The following NCOA1 variants were observed in gnomAD, a reference collection of about 807,000 sequenced individuals.
NCOA1 encodes Hin-2 protein.
A neutral mutation model predicts 150.9 loss-of-function variants in NCOA1; 35 were observed. The observed-to-expected ratio is 0.23, with a 90% confidence interval of 0.18 to 0.31. The LOEUF is 0.31. Ranked by LOEUF, NCOA1 falls within the 10% of genes least tolerant of loss-of-function variation. The probability of loss-of-function intolerance (pLI) is 1.00; values close to 1 mark genes in which losing one functional copy is unlikely to be tolerated. For missense variants in NCOA1, 1,491 were observed against 1,749.3 expected (o/e 0.85, Z 2.63); for synonymous variants, 590 against 630.0 (o/e 0.94, Z 0.95).
At chr2:24,754,089 G>A (rs1305082092) in intron 20 of NCOA1, among the ~76,000 whole-genome samples, 3 of 152,060 alleles carry the variant, frequency 2.0e-5, no homozygotes, top group East Asian at 1.9e-4. Flanking sequence ...AATCATGTCA[G>A]CTTCTTAGCA....
chr2:24,642,037 T>TGTGTGTGTGCGCGC (rs942145000), intron 3 of NCOA1, among the ~76,000 whole-genome samples: 53 of 138,554 alleles, frequency 3.8e-4, no homozygotes, highest in Admixed American at 1.0e-3. Context: ...TGTGTGTGTG[T>TGTGTGTGTGCGCGC]GCGCGCGTGC....
intron 9 of NCOA1, among the ~76,000 whole-genome samples, chr2:24,692,470 A>C (rs1470245438): frequency 6.6e-6 from 1 of 152,250 alleles, no homozygotes; most frequent in Non-Finnish European, 1.5e-5. Context: ...TCCTAAAAAC[A>C]TGAAGTCATC....
At chr2:24,518,298 TAAG>T (rs1246695509) in intron 1 of NCOA1, among the ~76,000 whole-genome samples, 1 of 152,050 alleles carries the variant, frequency 6.6e-6, no homozygotes, top group Non-Finnish European at 1.5e-5. Context: ...GAAATAGAGA[TAAG>T]AATTCTCAGC....
intron 1 of NCOA1, among the ~76,000 whole-genome samples, chr2:24,521,663 G>A (rs1014100064): frequency 1.3e-5 from 2 of 151,986 alleles, no homozygotes; most frequent in Non-Finnish European, 2.9e-5. Flanking sequence ...TTTATATTTT[G>A]GCTGTTATGA....
intron 3 of NCOA1, among the ~76,000 whole-genome samples, chr2:24,622,238 C>A (rs949393884): frequency 1.3e-5 from 2 of 152,094 alleles, no homozygotes; most frequent in Admixed American, 6.5e-5. Flanking sequence ...AATAATTTAT[C>A]CTCATATACC....
chr2:24,662,501 A>G (rs1671229103), intron 5 of NCOA1, among the ~76,000 whole-genome samples: 1 of 152,144 alleles, frequency 6.6e-6, no homozygotes, highest in Admixed American at 6.5e-5. Context: ...TGGTCATGGC[A>G]CTCATTCTGC....
intron 3 of NCOA1, among the ~76,000 whole-genome samples, chr2:24,592,391 G>C (rs1480424308): frequency 6.6e-6 from 1 of 151,938 alleles, no homozygotes; most frequent in Non-Finnish European, 1.5e-5. Context: ...ATCACTCTTG[G>C]GCAAGGTAAA....
rs527745099 is a variant in NCOA1, at chr2:24,581,190, G to A, written c.-259-3286G>A. ...GTGTGATGGTGAAAGGCCTGACTCTGCTAGGCTTCTCCAAAAACAGCCTGT... is the reference window on the plus strand; with the variant it reads ...GTGTGATGGTGAAAGGCCTGACTCTACTAGGCTTCTCCAAAAACAGCCTGT... On this transcript the variant is annotated intron_variant, in intron 2 of 22. Coordinates refer to ENST00000348332, the MANE Select transcript of NCOA1 (RefSeq NM_003743.5). 2.0e-5 allele frequency among the ~76,000 whole-genome samples: 3 copies of A among 152,328 alleles called. No individual in the cohort carries two copies. The East Asian group carries it at 5.8e-4, about 29-fold the overall frequency.
At chr2:24,629,100 G>A (rs1461390768) in intron 3 of NCOA1, among the ~76,000 whole-genome samples, 1 of 151,914 alleles carries the variant, frequency 6.6e-6, no homozygotes, top group South Asian at 2.1e-4. Context: ...TTTAAGGATG[G>A]GAAAAAGTAA....
intron 17 of NCOA1, among the ~76,000 whole-genome samples, chr2:24,737,726 C>T (rs1001715226): frequency 2.6e-5 from 4 of 152,124 alleles, no homozygotes; most frequent in African/African-American, 7.2e-5. Context: ...TCTGTGCTGC[C>T]GTAGATGTGT....
intron 19 of NCOA1, among the ~76,000 whole-genome samples, chr2:24,751,484 G>A (rs1292186513): frequency 5.3e-5 from 8 of 151,602 alleles, no homozygotes; most frequent in Non-Finnish European, 1.2e-4. Flanking sequence ...CTGAGAGGCT[G>A]AGGCAGGAGA....
intron 14 of NCOA1, among the ~76,000 whole-genome samples, chr2:24,721,981 C>A (rs1553312237): frequency 6.6e-6 from 1 of 151,676 alleles, no homozygotes; most frequent in East Asian, 1.9e-4. Context: ...TTTTTTCTTT[C>A]TTGAGTTATT....
At chr2:24,665,940 G>A in intron 6 of NCOA1, 25 bp downstream of exon 6, 2 of 1,363,136 alleles carry the variant, frequency 1.5e-6, no homozygotes, top group South Asian at 4.2e-5. Flanking sequence ...GAAAACCCAT[G>A]GCTGTGTGCT....
At chr2:24,686,563 T>G (rs1672414837) in intron 8 of NCOA1, among the ~76,000 whole-genome samples, 1 of 152,208 alleles carries the variant, frequency 6.6e-6, no homozygotes, top group Non-Finnish European at 1.5e-5. Flanking sequence ...GCTTTGTACC[T>G]CTAGTATAGA....
intron 21 of NCOA1, among the ~76,000 whole-genome samples, chr2:24,762,444 C>G (rs890517216): frequency 6.6e-6 from 1 of 152,098 alleles, no homozygotes; most frequent in African/African-American, 2.4e-5. Context: ...ACCTGAGTAC[C>G]ACTCAGATCA....
chr2:24,498,775 A>G (rs563049284), intron 1 of NCOA1, among the ~76,000 whole-genome samples: 1 of 152,122 alleles, frequency 6.6e-6, no homozygotes, highest in Non-Finnish European at 1.5e-5. Context: ...AAGTATGTAG[A>G]TATGGATGAA....
chr2:24,770,554 T>C lies in NCOA1; in HGVS notation c.*2163T>C. ...TCCTGTCATTCCACAGGAAATTCAC[T>C]TTTCCAGCTACTGAATAGAATTTGT... On this transcript the variant is annotated 3_prime_UTR_variant, in exon 23 of 23. Coordinates refer to ENST00000348332, the MANE Select transcript of NCOA1 (RefSeq NM_003743.5). 1 of 216,322 alleles carries C rather than the reference T, an allele frequency of 4.6e-6. No homozygotes were observed. Among genetic ancestry groups the C allele is most frequent in the African/African-American group, 2.2e-5 (1 of 44,540 alleles). The allele number at this position is 216,322 out of a possible 1,614,324, so 13.4% of individuals were successfully genotyped here.
chr2:24,500,848 A>G (rs1037919336), intron 1 of NCOA1, among the ~76,000 whole-genome samples: 1 of 152,262 alleles, frequency 6.6e-6, no homozygotes, highest in Non-Finnish European at 1.5e-5. Flanking sequence ...ACCTTTCAGA[A>G]CAACAACAAA....
At chr2:24,703,507 G>C (rs1405254938) in intron 11 of NCOA1, among the ~76,000 whole-genome samples, 1 of 152,082 alleles carries the variant, frequency 6.6e-6, no homozygotes, top group African/African-American at 2.4e-5. Flanking sequence ...TAAATTAATA[G>C]GCTTCCCTAA....
Sources: gnomAD v4.1 joint callset for allele counts (sites outside exome capture counted in the v4.1 genomes callset) on GRCh38, gnomAD v4.1.1 for gene constraint, MANE v1.5 for transcripts, NCBI Gene and HGNC (gene_info 2026-07-23, HGNC 2026-07-21) for gene names.